The following LMO7 variants were observed in gnomAD, a reference collection of about 807,000 sequenced individuals.
LMO7 encodes the protein LIM domain 7.
Under a neutral mutation model 206.5 loss-of-function variants are expected in LMO7, and 120 were observed. The observed-to-expected ratio is 0.58, with a 90% CI of 0.50 to 0.68. LMO7 has a LOEUF of 0.68. Ranked by LOEUF, LMO7 falls within the 30% of genes least tolerant of loss-of-function variation. The pLI is 0.00. For missense variants in LMO7, 1,959 were observed against 1,957.9 expected, an observed-to-expected ratio of 1.00 and a Z score of -0.01; for synonymous variants, 706 against 681.5, an observed-to-expected ratio of 1.04 and a Z score of -0.56.
At position 75,800,813 on chromosome 13, in the gene LMO7, T is replaced by C; in HGVS notation, c.592T>C (p.Leu198=). 2 of 1,614,120 alleles carry C rather than the reference T, an allele frequency of 1.2e-6. No homozygotes were observed. The highest frequency in any genetic ancestry group is 8.5e-7 in the Non-Finnish European group (1 of 1,180,008). Reference sequence around the variant, plus strand: ...TAAGAGAGAAGATTCCTTTGAAAGCTTGGACTCTTTGGGCTCGAGGTCATT... The same window carrying C: ...TAAGAGAGAAGATTCCTTTGAAAGCCTGGACTCTTTGGGCTCGAGGTCATT... ...HHKREDSFES[L]DSLGSRSLTS... The change falls in exon 7 of 31, where the codon TTG becomes CTG. Residue 198 remains leucine (L), a synonymous_variant. Coordinates refer to ENST00000377534, the MANE Select transcript of LMO7 (RefSeq NM_001306080.2).
chr13:75,756,788 G>A (rs1033466883), intron 3 of LMO7, among the ~76,000 whole-genome samples: 3 of 152,150 alleles, frequency 2.0e-5, no homozygotes, highest in Non-Finnish European at 4.4e-5. Flanking sequence ...CACCTGAAGA[G>A]CCTCAGACAC....
In LMO7 at chr13:75,807,908, C is replaced by T; in HGVS notation, c.1625C>T (p.Pro542Leu). ...GCCCCAGATAGATACCACCCAGTCC[C>T]TTTTCCCGAACCCTGGACTCTTCCT... ...SGAPDRYHPVPFPEPWTLPPE... is the reference protein window; with the variant it reads ...SGAPDRYHPVLFPEPWTLPPE... Residue 542 changes from proline (P) to leucine (L), a missense_variant, in exon 10 of 31, where the codon CCT (proline) becomes CTT (leucine). By Grantham distance (98) the Pro-to-Leu change is moderately conservative (BLOSUM62 -3). Transcript: ENST00000377534. 1 of 1,613,974 alleles carries T rather than the reference C, an allele frequency of 6.2e-7. No homozygotes were observed. Among genetic ancestry groups the T allele is most frequent in the East Asian group, 2.2e-5 (1 of 44,880 alleles).
intron 25 of LMO7, among the ~76,000 whole-genome samples, chr13:75,844,763 A>G (rs2059852890): frequency 6.6e-6 from 1 of 152,204 alleles, no homozygotes; most frequent in African/African-American, 2.4e-5. Context: ...TGAGATTAGC[A>G]TGTGTTGATT....
intron 1 of LMO7, among the ~76,000 whole-genome samples, chr13:75,707,490 T>C (rs993003065): frequency 6.6e-6 from 1 of 152,114 alleles, no homozygotes; most frequent in South Asian, 2.1e-4. Flanking sequence ...TTATTTGTAA[T>C]TGTTGCTATT....
In LMO7 at chr13:75,834,469, A is replaced by G. The variant is rs150436755; in HGVS notation, c.3226+82A>G. 9.1e-5 allele frequency: 97 copies of G among 1,068,736 alleles called. No individual in the cohort carries two copies. The East Asian group carries it at 2.6e-3, about 29-fold the overall frequency. The allele number at this position is 1,068,736 out of a possible 1,614,324, so 66.2% of individuals were successfully genotyped here. A position where few individuals can be genotyped will look rare whatever the true frequency, so the allele number is the denominator to read the frequency against. On this transcript the variant is annotated intron_variant, in intron 17 of 30. Transcript: ENST00000377534. ...AGTGGTTCTAACAATTTGCTTCAAT[A>G]ACTTTTTATTTTTTCACTTATGTTT... is the stretch of plus-strand genomic sequence containing the variant.
intron 4 of LMO7, among the ~76,000 whole-genome samples, chr13:75,761,537 T>C (rs1051441347): frequency 6.6e-6 from 1 of 152,138 alleles, no homozygotes; most frequent in African/African-American, 2.4e-5. Context: ...TTGTCAGTTG[T>C]GGCTGACTTT....
At chr13:75,735,233 A>T (rs1415672982) in intron 3 of LMO7, among the ~76,000 whole-genome samples, 2 of 150,718 alleles carry the variant, frequency 1.3e-5, no homozygotes, top group Non-Finnish European at 2.9e-5. Context: ...TCATGCTGTG[A>T]CTCTACTTGT....
At chr13:75,720,614 CAG>C (rs564405990) in intron 2 of LMO7, among the ~76,000 whole-genome samples, 230 of 152,158 alleles carry the variant, frequency 1.5e-3, no homozygotes, top group Non-Finnish European at 2.8e-3. Context: ...TTGAGGGTCT[CAG>C]AATAAGAGGT....
chr13:75,663,799 A>G (rs2038860985), intron 1 of LMO7, among the ~76,000 whole-genome samples: 1 of 152,186 alleles, frequency 6.6e-6, no homozygotes, highest in Admixed American at 6.5e-5. Flanking sequence ...TTAAGAGAAT[A>G]TAGGAATATG....
At chr13:75,721,533 GTTTTAA>G (rs1199362926) in intron 2 of LMO7, among the ~76,000 whole-genome samples, 5 of 152,098 alleles carry the variant, frequency 3.3e-5, no homozygotes, top group Non-Finnish European at 7.4e-5. Flanking sequence ...AGCAAATTTT[GTTTTAA>G]ACAAAACATT....
chr13:75,792,023 A>C (rs931479504), intron 4 of LMO7, among the ~76,000 whole-genome samples: 6 of 152,042 alleles, frequency 3.9e-5, no homozygotes, highest in African/African-American at 1.2e-4. Flanking sequence ...CCTGGAGTGC[A>C]GTGGTGTGGT....
At chr13:75,804,725 A>C in intron 8 of LMO7, 184 bp downstream of exon 8, 2 of 1,043,066 alleles carry the variant, frequency 1.9e-6, no homozygotes, top group Non-Finnish European at 2.6e-6. Context: ...CTTCTGTTTT[A>C]GAATGTCAGC....
chr13:75,752,565 G>A (rs625755), intron 3 of LMO7, among the ~76,000 whole-genome samples: 93,483 of 152,060 alleles, frequency 0.61, 29,941 homozygotes, highest in East Asian at 0.97. Flanking sequence ...TCCACCAAGC[G>A]GCCTCCCATC....
intron 3 of LMO7, among the ~76,000 whole-genome samples, chr13:75,745,452 G>A (rs901298611): frequency 2.0e-5 from 3 of 152,152 alleles, no homozygotes; most frequent in African/African-American, 7.2e-5. Flanking sequence ...TACAAAATCA[G>A]TGGTTGCTAT....
rs150546246 is a variant in LMO7, at chr13:75,837,415, T to C, written c.3395-725T>C. The stretch of plus-strand genomic sequence containing the variant: ...ATCAGACATCTAGCTCTATGACGAC[T>C]AGGGGACTATACGTGGGCCCTGTCA... On this transcript the variant is annotated intron_variant, in intron 19 of 30. Transcript: ENST00000377534. Among the ~76,000 whole-genome samples the C allele has an allele frequency of 5.8e-3, 891 of 152,350 alleles. 15 individuals carry two copies. The highest frequency in any genetic ancestry group is 0.02 in the African/African-American group (840 of 41,588).
At chr13:75,834,096 T>A (rs1412633672) in intron 16 of LMO7, 130 bp from the exon 17 acceptor site, 3 of 631,908 alleles carry the variant, frequency 4.7e-6, no homozygotes, top group Non-Finnish European at 5.2e-6. Flanking sequence ...AAAAAAATAG[T>A]GACCTCCACC....
intron 2 of LMO7, among the ~76,000 whole-genome samples, chr13:75,625,462 CAT>C (rs1566247605): frequency 7.3e-6 from 1 of 136,696 alleles, no homozygotes; most frequent in South Asian, 2.3e-4. Context: ...TGTGCATGTG[CAT>C]GTGTGTGTGT....
chr13:75,694,856 C>T (rs1034061669), intron 1 of LMO7, among the ~76,000 whole-genome samples: 6 of 152,048 alleles, frequency 3.9e-5, no homozygotes, highest in Non-Finnish European at 7.4e-5. Flanking sequence ...TGTCCTTGAA[C>T]GAACAAAGTT....
chr13:75,845,976 G>A (rs2059962197), intron 26 of LMO7, among the ~76,000 whole-genome samples: 1 of 152,176 alleles, frequency 6.6e-6, no homozygotes, highest in Non-Finnish European at 1.5e-5. Context: ...ATGAATGAAT[G>A]AAGGTCCAGG....
Sources: gnomAD v4.1 joint callset for allele counts (sites outside exome capture counted in the v4.1 genomes callset) on GRCh38, gnomAD v4.1.1 for gene constraint, MANE v1.5 for transcripts, NCBI Gene and HGNC (gene_info 2026-07-23, HGNC 2026-07-21) for gene names.